ANXA4: variants seen among roughly 807,000 people sequenced by gnomAD.
ANXA4 encodes the protein annexin A4.
In ANXA4, 39 loss-of-function variants were observed where a neutral mutation model predicts 49.8. That is an observed-to-expected ratio of 0.78 (90% CI 0.61 to 1.02). ANXA4 has a LOEUF of 1.02. Ranked by LOEUF, ANXA4 falls within the 50% of genes least tolerant of loss-of-function variation. ANXA4 has a pLI of 0.00. For synonymous variants in ANXA4, 134 were observed against 152.5 expected (o/e 0.88, Z 0.89); for missense variants, 360 against 410.1 (o/e 0.88, Z 1.05).
intron 6 of ANXA4, 134 bp from the exon 7 acceptor site, chr2:69,810,460 G>A (rs1205845113): frequency 1.2e-5 from 8 of 686,392 alleles, no homozygotes; most frequent in East Asian, 5.3e-5. Flanking sequence ...AAAACTGTGT[G>A]TGGGGTGAAA....
At chr2:69,763,307 C>A (rs534862327) in intron 1 of ANXA4, among the ~76,000 whole-genome samples, 1 of 152,268 alleles carries the variant, frequency 6.6e-6, no homozygotes, top group South Asian at 2.1e-4. Context: ...TTGAAGAGAG[C>A]AGTGCTTACT....
intron 2 of ANXA4, among the ~76,000 whole-genome samples, chr2:69,782,880 T>C (rs991398260): frequency 7.7e-6 from 1 of 129,074 alleles, no homozygotes; most frequent in Admixed American, 8.8e-5. Context: ...CTATCATGAC[T>C]ATTATTTATT....
intron 8 of ANXA4, among the ~76,000 whole-genome samples, chr2:69,814,479 G>C (rs776576011): frequency 1.2e-4 from 18 of 150,672 alleles, no homozygotes; most frequent in Non-Finnish European, 2.2e-4. Flanking sequence ...CTGAGTAGCT[G>C]GACTACAGGC....
chr2:69,771,109 GA>G (rs70954358), intron 1 of ANXA4, among the ~76,000 whole-genome samples: 28,187 of 104,886 alleles, frequency 0.27, 2,362 homozygotes, highest in East Asian at 0.43. Flanking sequence ...AAAAAAAAAA[GA>G]AAAAAAAAAA....
intron 2 of ANXA4, among the ~76,000 whole-genome samples, chr2:69,685,808 G>C (rs1677766166): frequency 6.6e-6 from 1 of 152,160 alleles, no homozygotes; most frequent in Non-Finnish European, 1.5e-5. Flanking sequence ...CCAGTGGTGT[G>C]GTAAATATTT....
At chr2:69,687,974 C>CT (rs1677848276) in intron 2 of ANXA4, among the ~76,000 whole-genome samples, 1 of 152,180 alleles carries the variant, frequency 6.6e-6, no homozygotes, top group South Asian at 2.1e-4. Context: ...TTTTATCACA[C>CT]TTAAGAAATT....
chr2:69,728,301 G>A (rs1354374487), intron 3 of ANXA4, among the ~76,000 whole-genome samples: 2 of 152,068 alleles, frequency 1.3e-5, no homozygotes, highest in Non-Finnish European at 2.9e-5. Flanking sequence ...TTTGATACAT[G>A]TATTGTAAAT....
chr2:69,698,091 CAG>C (rs1308043595), intron 2 of ANXA4, among the ~76,000 whole-genome samples: 1 of 152,018 alleles, frequency 6.6e-6, no homozygotes, highest in Non-Finnish European at 1.5e-5. Context: ...CTGGCAGATT[CAG>C]AGTCTGATGT....
intron 2 of ANXA4, among the ~76,000 whole-genome samples, chr2:69,689,080 G>A (rs144801099): frequency 2.3e-4 from 35 of 151,848 alleles, no homozygotes; most frequent in African/African-American, 7.5e-4. Context: ...TGGTTCATAC[G>A]ACATTTTCTT....
At chr2:69,712,517 G>A (rs1395913680) in intron 2 of ANXA4, among the ~76,000 whole-genome samples, 1 of 152,174 alleles carries the variant, frequency 6.6e-6, no homozygotes, top group African/African-American at 2.4e-5. Context: ...CAGCCTAGGG[G>A]AGACAACCAT....
At chr2:69,780,029 T>G (rs139774000) in intron 1 of ANXA4, among the ~76,000 whole-genome samples, 1 of 152,308 alleles carries the variant, frequency 6.6e-6, no homozygotes, top group African/African-American at 2.4e-5. Context: ...TAAATGGTAA[T>G]CAGGTGGGTT....
intron 2 of ANXA4, among the ~76,000 whole-genome samples, chr2:69,698,562 C>A (rs2105385080): frequency 6.6e-6 from 1 of 152,226 alleles, no homozygotes; most frequent in Non-Finnish European, 1.5e-5. Context: ...GACCAGAGGG[C>A]CTGGGGGCAG....
intron 3 of ANXA4, among the ~76,000 whole-genome samples, chr2:69,732,134 C>T (rs1367531943): frequency 2.0e-5 from 3 of 151,792 alleles, no homozygotes; most frequent in South Asian, 4.2e-4. Flanking sequence ...CCCGCCACCA[C>T]GCCCGGCTAA....
At chr2:69,676,628 C>T (rs1051162740) in intron 2 of ANXA4, among the ~76,000 whole-genome samples, 4 of 152,156 alleles carry the variant, frequency 2.6e-5, no homozygotes, top group Non-Finnish European at 4.4e-5. Flanking sequence ...GGCACAGTGG[C>T]GCACACCTAT....
At chr2:69,781,447 G>A in intron 1 of ANXA4, 73 bp from the exon 2 acceptor site, 2 of 1,292,346 alleles carry the variant, frequency 1.5e-6, no homozygotes, top group South Asian at 1.2e-5. Flanking sequence ...CATGCAAACT[G>A]CAAGTTATCC....
intron 2 of ANXA4, among the ~76,000 whole-genome samples, chr2:69,698,639 C>A (rs112454217): frequency 0.029 from 4,472 of 152,024 alleles, 219 homozygotes; most frequent in African/African-American, 0.1. Flanking sequence ...CTAGGTGGGG[C>A]GGGGCAGGAC....
rs72485353 is a variant in ANXA4 at position 69,799,217 on chromosome 2, G to C, written c.98-5316G>C. On this transcript the variant is annotated intron_variant, in intron 3 of 12. Transcript: ENST00000394295. The stretch of plus-strand genomic sequence containing the variant: ...CTTTGTCTTGCTTATCTGGGAGGGA[G>C]AGTTTCTGTGTCTGTTCCCATACAT... 1.4e-4 allele frequency among the ~76,000 whole-genome samples: 22 copies of C among 152,296 alleles called. No individual in the cohort carries two copies. In the East Asian group the frequency reaches 3.9e-3, roughly 27 times the overall value.
At chr2:69,760,790 A>G (rs1467554157) in intron 1 of ANXA4, among the ~76,000 whole-genome samples, 1 of 152,226 alleles carries the variant, frequency 6.6e-6, no homozygotes, top group Non-Finnish European at 1.5e-5. Context: ...GTATCTGGCC[A>G]TAATAAATGT....
intron 8 of ANXA4, chr2:69,814,743 GGTGTGT>G (rs754855168): frequency 0.085 from 10,540 of 123,506 alleles, 513 homozygotes; most frequent in Non-Finnish European, 0.11. Flanking sequence ...GACACAGAGG[GGTGTGT>G]GTGTGTGTGT....
Sources: allele counts gnomAD v4.1 joint callset (sites outside exome capture counted in the v4.1 genomes callset), GRCh38; gene constraint gnomAD v4.1.1; transcripts MANE v1.5; gene names NCBI Gene and HGNC (gene_info 2026-07-23, HGNC 2026-07-21).